BCKDHB: variants seen among roughly 807,000 people sequenced by gnomAD.
BCKDHB encodes branched chain keto acid dehydrogenase E1 subunit beta.
Under a neutral mutation model 48.5 loss-of-function variants are expected in BCKDHB, and 41 were observed. The observed-to-expected ratio is 0.85, with a 90% confidence interval of 0.66 to 1.10. The LOEUF (loss-of-function observed/expected upper bound fraction) is 1.10, where lower values mean the gene tolerates loss of function less well. BCKDHB is among the 50% of genes least tolerant of loss of function. BCKDHB has a pLI of 0.00. For synonymous variants in BCKDHB, 201 were observed against 174.8 expected, an observed-to-expected ratio of 1.15 and a Z score of -1.18; for missense variants, 496 against 494.2, an observed-to-expected ratio of 1.00 and a Z score of -0.03.
intron 9 of BCKDHB, among the ~76,000 whole-genome samples, chr6:80,275,786 T>C (rs1006021000): frequency 3.3e-5 from 5 of 151,954 alleles, no homozygotes; most frequent in Non-Finnish European, 7.4e-5. Context: ...TATCCTGTAT[T>C]GAGCTTCCTC....
chr6:80,387,505 G>A, the BCKDHB span, among the ~76,000 whole-genome samples: 1 of 152,234 alleles, frequency 6.6e-6, no homozygotes. Context: ...CTGTGCAGAA[G>A]ACAGATGGAT....
At chr6:80,422,374 C>T in the BCKDHB span, among the ~76,000 whole-genome samples, 1 of 152,172 alleles carries the variant, frequency 6.6e-6, no homozygotes, top group Non-Finnish European at 1.5e-5. Context: ...GAGTGGGGCC[C>T]TCATGGAGAA....
chr6:80,269,966 A>G (rs1283654601), intron 8 of BCKDHB, among the ~76,000 whole-genome samples: 1 of 152,092 alleles, frequency 6.6e-6, no homozygotes, highest in South Asian at 2.1e-4. Context: ...AAAGGGGACA[A>G]AAATATGTAC....
Position 80,129,250 on chromosome 6 carries a change from A to G in BCKDHB, c.343+21A>G, listed in dbSNP as rs766517907. The G allele has an allele frequency of 2.1e-5, 33 of 1,575,170 alleles. No homozygotes were observed. The East Asian group carries it at 6.7e-4, about 32-fold the overall frequency. On this transcript the variant is annotated intron_variant, in intron 3 of 9. Coordinates refer to ENST00000320393, the MANE Select transcript of BCKDHB (RefSeq NM_183050.4). Reference sequence around the variant, plus strand: ...ATATGGTAAGTAAATACCTATATGAATAGTATTCTGATAGAACTTTTACTA... The same window carrying G: ...ATATGGTAAGTAAATACCTATATGAGTAGTATTCTGATAGAACTTTTACTA...
the BCKDHB span, among the ~76,000 whole-genome samples, chr6:80,392,822 G>A: frequency 6.8e-6 from 1 of 147,812 alleles, no homozygotes; most frequent in Non-Finnish European, 1.5e-5. Context: ...CTTAACCTGG[G>A]TCATTCTAAT....
At chr6:80,258,728 G>T (rs1249661721) in intron 8 of BCKDHB, among the ~76,000 whole-genome samples, 2 of 151,222 alleles carry the variant, frequency 1.3e-5, no homozygotes, top group African/African-American at 4.9e-5. Context: ...ATTCCTTGAT[G>T]TATTATTTGA....
At chr6:80,363,061 A>C in the BCKDHB span, among the ~76,000 whole-genome samples, 2 of 152,104 alleles carry the variant, frequency 1.3e-5, no homozygotes, top group African/African-American at 4.8e-5. Flanking sequence ...TGGATGGTTT[A>C]TTTCAGTGCA....
At chr6:80,135,770 C>G (rs1770855689) in intron 3 of BCKDHB, 1 of 152,142 alleles carries the variant, frequency 6.6e-6, no homozygotes, top group Admixed American at 6.6e-5. Context: ...CCATCCATCA[C>G]CAGAACTTTT....
intron 9 of BCKDHB, among the ~76,000 whole-genome samples, chr6:80,295,015 A>T (rs1767149207): frequency 6.6e-6 from 1 of 152,144 alleles, no homozygotes; most frequent in Non-Finnish European, 1.5e-5. Context: ...AACCCTTAAT[A>T]AAACACTTGC....
chr6:80,423,183 A>G, the BCKDHB span, among the ~76,000 whole-genome samples: 1 of 150,936 alleles, frequency 6.6e-6, no homozygotes, highest in East Asian at 1.9e-4. Context: ...AGTGTTCCCT[A>G]TGCTCTCTCT....
chr6:80,271,021 A>G (rs1056163934), intron 8 of BCKDHB, among the ~76,000 whole-genome samples: 1 of 152,102 alleles, frequency 6.6e-6, no homozygotes, highest in Non-Finnish European at 1.5e-5. Context: ...CATAAAGCAA[A>G]AAGTAAAAGT....
intron 8 of BCKDHB, among the ~76,000 whole-genome samples, chr6:80,253,736 TA>T (rs1232224707): frequency 2.0e-5 from 3 of 152,134 alleles, no homozygotes; most frequent in Non-Finnish European, 2.9e-5. Context: ...AAGTCATAGC[TA>T]TATTTATAGT....
chr6:80,343,786 A>G lies in BCKDHB; in HGVS notation c.1161A>G (p.Arg387=). 1 of 1,613,916 alleles carries G rather than the reference A, an allele frequency of 6.2e-7. No individual in the cohort carries two copies. The highest frequency in any genetic ancestry group is 8.5e-7 in the Non-Finnish European group (1 of 1,179,924). Residue 387 remains arginine (R), a synonymous_variant, in exon 10 of 10, where the codon CGA becomes CGG. Transcript: ENST00000320393. ...AATGGAAGTGTTATGATGCCCTTCG[A>G]AAAATGATCAACTATTGACCATATA... ...PDKWKCYDAL[R]KMINY
the BCKDHB span, among the ~76,000 whole-genome samples, chr6:80,395,127 A>G: frequency 6.6e-6 from 1 of 152,188 alleles, no homozygotes; most frequent in Non-Finnish European, 1.5e-5. Context: ...GAATGGCCTA[A>G]TACAGTAAAT....
chr6:80,300,673 A>C (rs1767534207), intron 9 of BCKDHB, among the ~76,000 whole-genome samples: 1 of 152,224 alleles, frequency 6.6e-6, no homozygotes, highest in Non-Finnish European at 1.5e-5. Flanking sequence ...ACATCTACAG[A>C]ACACTCCATC....
intron 5 of BCKDHB, among the ~76,000 whole-genome samples, 195 bp from the exon 6 acceptor site, chr6:80,171,087 T>C (rs1410866220): frequency 6.6e-6 from 1 of 152,132 alleles, no homozygotes; most frequent in African/African-American, 2.4e-5. Flanking sequence ...ATCTGATAAA[T>C]ATCTGTTGAA....
At chr6:80,121,848 G>A (rs1041930888) in intron 1 of BCKDHB, among the ~76,000 whole-genome samples, 29 of 152,064 alleles carry the variant, frequency 1.9e-4, no homozygotes. Context: ...CCCTTTATTT[G>A]TTTCTCTTGC....
chr6:80,142,196 G>C (rs115828463), intron 3 of BCKDHB, among the ~76,000 whole-genome samples: 1 of 151,984 alleles, frequency 6.6e-6, no homozygotes, highest in Non-Finnish European at 1.5e-5. Flanking sequence ...ATCTATGTAC[G>C]TAGTTGAAAT....
At chr6:80,148,791 T>G (rs1771612411) in intron 3 of BCKDHB, among the ~76,000 whole-genome samples, 1 of 152,182 alleles carries the variant, frequency 6.6e-6, no homozygotes, top group Non-Finnish European at 1.5e-5. Context: ...ACTGGATCCC[T>G]TCCTTACACC....
Sources: allele counts gnomAD v4.1 joint callset (sites outside exome capture counted in the v4.1 genomes callset), GRCh38; gene constraint gnomAD v4.1.1; transcripts MANE v1.5; gene names NCBI Gene and HGNC (gene_info 2026-07-23, HGNC 2026-07-21).